AQP9: variants seen among roughly 807,000 people sequenced by gnomAD.
AQP9 encodes aquaporin 9.
In AQP9, 19 loss-of-function variants were observed where a neutral mutation model predicts 23.8. The ratio of observed to expected loss-of-function variants is 0.80; its 90% CI spans 0.56 to 1.17. The LOEUF is 1.17. Ranked by LOEUF, AQP9 falls within the 50% of genes most tolerant of loss-of-function variation. AQP9 has a pLI of 0.00. For missense variants in AQP9, 413 were observed against 362.0 expected (o/e 1.14, Z -1.14); for synonymous variants, 153 against 131.5 (o/e 1.16, Z -1.12).
At chr15:58,158,149 C>A (rs1345458891) in intron 1 of AQP9, among the ~76,000 whole-genome samples, 1 of 151,860 alleles carries the variant, frequency 6.6e-6, no homozygotes, top group Non-Finnish European at 1.5e-5. Flanking sequence ...AAGTCCTCAC[C>A]TTCCCAGACA....
At chr15:58,175,806 T>C (rs933471459) in intron 4 of AQP9, among the ~76,000 whole-genome samples, 1 of 152,198 alleles carries the variant, frequency 6.6e-6, no homozygotes, top group Non-Finnish European at 1.5e-5. Context: ...CCCACCTCCA[T>C]TCAATGTATG....
chr15:58,146,125 A>C (rs1488958802), intron 1 of AQP9, among the ~76,000 whole-genome samples: 1 of 151,924 alleles, frequency 6.6e-6, no homozygotes, highest in Middle Eastern at 3.2e-3. Context: ...CTCATTTTTC[A>C]TCTTCAATTT....
At chr15:58,165,370 T>TA (rs1254004664) in intron 1 of AQP9, among the ~76,000 whole-genome samples, 1 of 151,956 alleles carries the variant, frequency 6.6e-6, no homozygotes, top group East Asian at 1.9e-4. Context: ...CCCATTTTTT[T>TA]AAAAAAATTA....
chr15:58,170,866 T>C (rs1009220254), intron 2 of AQP9, among the ~76,000 whole-genome samples: 1 of 152,100 alleles, frequency 6.6e-6, no homozygotes, highest in Non-Finnish European at 1.5e-5. Context: ...AACAAAGAAA[T>C]CTCCCATTGG....
intron 1 of AQP9, among the ~76,000 whole-genome samples, chr15:58,142,984 A>G (rs1383415650): frequency 6.6e-6 from 1 of 152,128 alleles, no homozygotes; most frequent in African/African-American, 2.4e-5. Context: ...CCTCGCTCAG[A>G]AACTTTGGAA....
chr15:58,138,258 G>GA (rs1183630047), upstream of AQP9: 1 of 183,414 alleles, frequency 5.5e-6, no homozygotes, highest in African/African-American at 2.4e-5. Context: ...AACCAACAGA[G>GA]AAAAAAGTAC....
chr15:58,138,845 T>G (rs1897903695), intron 1 of AQP9, 169 bp downstream of exon 1: 1 of 588,216 alleles, frequency 1.7e-6, no homozygotes, highest in Non-Finnish European at 3.0e-6. Flanking sequence ...TTAGGGGTTG[T>G]GATATTAAGT....
chr15:58,152,590 C>T (rs552623251), intron 1 of AQP9: 2 of 152,222 alleles, frequency 1.3e-5, no homozygotes, highest in South Asian at 2.1e-4. Flanking sequence ...AGAAAGTATG[C>T]AAGAACTGCT....
intron 1 of AQP9, chr15:58,153,111 T>C (rs1211508942): frequency 6.6e-6 from 1 of 152,170 alleles, no homozygotes; most frequent in Non-Finnish European, 1.5e-5. Flanking sequence ...GCCCTCCAAA[T>C]GGTCCTGTAT....
intron 1 of AQP9, chr15:58,153,445 C>G (rs115996866): frequency 6.6e-6 from 1 of 151,992 alleles, no homozygotes; most frequent in Non-Finnish European, 1.5e-5. Flanking sequence ...GGGGCATCAC[C>G]ACATTATTAA....
chr15:58,152,297 C>T (rs1428388043), intron 1 of AQP9: 1 of 152,142 alleles, frequency 6.6e-6, no homozygotes, highest in African/African-American at 2.4e-5. Context: ...TTCTCTTGAT[C>T]AAACATCACC....
intron 1 of AQP9, among the ~76,000 whole-genome samples, chr15:58,144,492 A>G (rs1481738488): frequency 1.3e-5 from 2 of 152,152 alleles, no homozygotes; most frequent in Non-Finnish European, 2.9e-5. Flanking sequence ...AACTTGCACT[A>G]CCTCATATAC....
chr15:58,140,712 C>T (rs1042732733), intron 1 of AQP9, among the ~76,000 whole-genome samples: 4 of 152,150 alleles, frequency 2.6e-5, no homozygotes, highest in Non-Finnish European at 5.9e-5. Flanking sequence ...GGAAGGGGAA[C>T]ATCGAAAAGA....
At chr15:58,181,730 T>C (rs1898892720) in intron 5 of AQP9, among the ~76,000 whole-genome samples, 1 of 152,156 alleles carries the variant, frequency 6.6e-6, no homozygotes, top group South Asian at 2.1e-4. Flanking sequence ...GGGCAGAAGT[T>C]TGGCAGGTTT....
intron 5 of AQP9, among the ~76,000 whole-genome samples, 164 bp downstream of exon 5, chr15:58,179,509 A>ATGTGTGTGTG (rs3052103): frequency 0.015 from 2,226 of 148,828 alleles, 13 homozygotes; most frequent in Middle Eastern, 0.034. Flanking sequence ...TTGTGGTATG[A>ATGTGTGTGTG]TGTGTGTGTG....
At chr15:58,166,396 T>C (rs1055701299) in intron 1 of AQP9, among the ~76,000 whole-genome samples, 14 of 152,296 alleles carry the variant, frequency 9.2e-5, no homozygotes, top group African/African-American at 2.9e-4. Context: ...GAAAATCAGA[T>C]ACCTAGATCA....
intron 1 of AQP9, among the ~76,000 whole-genome samples, chr15:58,146,550 C>T (rs74341011): frequency 0.016 from 2,425 of 152,188 alleles, 55 homozygotes; most frequent in African/African-American, 0.054. Context: ...CCTGTTCTGT[C>T]GTCTCGAGTT....
intron 1 of AQP9, chr15:58,152,625 A>G (rs141917718): frequency 4.9e-4 from 74 of 152,258 alleles, no homozygotes; most frequent in African/African-American, 1.8e-3. Flanking sequence ...TTATACCACT[A>G]TTATAAAAAC....
Position 58,174,864 on chromosome 15 carries a change from C to G in AQP9, c.377-54C>G, listed in dbSNP as rs202150980. 6.1e-6 allele frequency: 9 copies of G among 1,487,234 alleles called. No individual in the cohort carries two copies. In the South Asian group the frequency reaches 9.1e-5, roughly 15 times the overall value. 92.1% of individuals were successfully genotyped at this position (1,487,234 alleles called of 1,614,324 possible). On this transcript the variant is annotated intron_variant, in intron 3 of 5. Coordinates refer to ENST00000219919, the MANE Select transcript of AQP9 (RefSeq NM_020980.5). ...GTTTAGCACAAGGCTTGGCACAGGC[C>G]TCCTTCAACTCTTCCCAGGGAACAC...
Sources: allele counts gnomAD v4.1 joint callset (sites outside exome capture counted in the v4.1 genomes callset), GRCh38; gene constraint gnomAD v4.1.1; transcripts MANE v1.5; gene names NCBI Gene and HGNC (gene_info 2026-07-23, HGNC 2026-07-21).